The following DPH6 variants were observed in gnomAD, a reference collection of about 807,000 sequenced individuals.
The protein encoded by DPH6 is diphthine--ammonia ligase.
Under a neutral mutation model 38.2 loss-of-function variants are expected in DPH6, and 33 were observed. That is an observed-to-expected ratio of 0.86 (90% CI 0.65 to 1.15). DPH6 has a LOEUF of 1.15. Ranked by LOEUF, DPH6 falls within the 50% of genes most tolerant of loss-of-function variation. DPH6 has a pLI of 0.00. For missense variants in DPH6, 325 were observed against 320.0 expected (o/e 1.02, Z -0.12); for synonymous variants, 108 against 103.0 (o/e 1.05, Z -0.30).
In DPH6 at chr15:35,385,909, A is replaced by G. The variant is rs562756532; in HGVS notation, c.568-3993T>C. 2.6e-5 allele frequency among the ~76,000 whole-genome samples: 4 copies of G among 151,970 alleles called. No individual in the cohort carries two copies. In the East Asian group the frequency reaches 7.8e-4, roughly 30 times the overall value. On this transcript the variant is annotated intron_variant, in intron 6 of 8. Coordinates refer to ENST00000256538, the MANE Select transcript of DPH6 (RefSeq NM_080650.4). ...TGTGCACAACGTGCAGGTTTGTTACATATGTATACATGTGCCATGTTGGTG... is the reference window on the plus strand; with the variant it reads ...TGTGCACAACGTGCAGGTTTGTTACGTATGTATACATGTGCCATGTTGGTG...
At chr15:35,288,407 A>G (rs907428128) in intron 3 of DPH6, among the ~76,000 whole-genome samples, 1 of 152,220 alleles carries the variant, frequency 6.6e-6, no homozygotes, top group Non-Finnish European at 1.5e-5. Flanking sequence ...CAAAAGGAGA[A>G]TAAGTCTAGT....
intron 3 of DPH6, chr15:35,237,289 T>A (rs1566846475): frequency 1.3e-6 from 2 of 1,546,702 alleles, no homozygotes; most frequent in Non-Finnish European, 1.8e-6. Context: ...TTGATTGAAT[T>A]CCAGCGGCGC....
the DPH6 span, among the ~76,000 whole-genome samples, chr15:35,155,218 A>G: frequency 2.0e-5 from 3 of 152,318 alleles, no homozygotes; most frequent in African/African-American, 7.2e-5. Flanking sequence ...AACCATAAAA[A>G]AGGACTGGAT....
At position 35,489,969 on chromosome 15, in the gene DPH6, C is replaced by T. The variant is rs2054455463; in HGVS notation, c.313-35149G>A. On this transcript the variant is annotated intron_variant, in intron 3 of 8. Coordinates refer to ENST00000256538, the MANE Select transcript of DPH6 (RefSeq NM_080650.4). ...ATTTTTAACAAACAGCTAAACAAAACTATTTAATATGCATAAGCCCAGAAG... is the reference window on the plus strand; with the variant it reads ...ATTTTTAACAAACAGCTAAACAAAATTATTTAATATGCATAAGCCCAGAAG... 5 of 984,010 alleles carry T rather than the reference C, an allele frequency of 5.1e-6. No individual in the cohort carries two copies. The African/African-American group carries it at 7.0e-5, about 14-fold the overall frequency. 61.0% of individuals were successfully genotyped at this position (984,010 alleles called of 1,614,324 possible).
At chr15:35,280,993 G>A (rs1350785496) in intron 3 of DPH6, among the ~76,000 whole-genome samples, 1 of 152,082 alleles carries the variant, frequency 6.6e-6, no homozygotes, top group East Asian at 1.9e-4. Context: ...TAGGGTACAT[G>A]TGCACAATGT....
At chr15:35,486,343 C>G (rs941119918) in intron 3 of DPH6, among the ~76,000 whole-genome samples, 25 of 151,856 alleles carry the variant, frequency 1.6e-4, no homozygotes, top group African/African-American at 6.1e-4. Context: ...GGTGGCGACA[C>G]AGCCAACCCA....
intron 3 of DPH6, among the ~76,000 whole-genome samples, chr15:35,459,274 G>T (rs529111975): frequency 8.5e-5 from 13 of 152,158 alleles, no homozygotes; most frequent in African/African-American, 2.9e-4. Context: ...TCGTCATCTT[G>T]CTGTGTCTTC....
chr15:35,459,027 T>C (rs1595382861), intron 3 of DPH6, among the ~76,000 whole-genome samples: 1 of 152,350 alleles, frequency 6.6e-6, no homozygotes, highest in East Asian at 1.9e-4. Flanking sequence ...AGAAAATATA[T>C]ACATGTTTTA....
intron 3 of DPH6, chr15:35,237,063 G>A (rs1352305961): frequency 6.4e-6 from 3 of 472,254 alleles, no homozygotes; most frequent in Admixed American, 7.3e-5. Flanking sequence ...GGGTTGGAAT[G>A]CATGCACATA....
chr15:35,222,103 T>C (rs568085732), intron 3 of DPH6, among the ~76,000 whole-genome samples: 5 of 152,334 alleles, frequency 3.3e-5, no homozygotes, highest in African/African-American at 7.2e-5. Flanking sequence ...AACATTTCTA[T>C]CAATATTCTG....
chr15:35,494,201 A>G (rs1566930341), intron 3 of DPH6, among the ~76,000 whole-genome samples: 1 of 152,112 alleles, frequency 6.6e-6, no homozygotes, highest in South Asian at 2.1e-4. Flanking sequence ...GCCTTTAGTT[A>G]TTATTACTAT....
intron 3 of DPH6, among the ~76,000 whole-genome samples, chr15:35,300,113 T>C (rs1367441983): frequency 6.6e-6 from 1 of 152,144 alleles, no homozygotes; most frequent in East Asian, 1.9e-4. Context: ...AGGCCACCCA[T>C]GCAGGGGCAA....
chr15:35,318,666 T>C (rs1292785994), intron 3 of DPH6, among the ~76,000 whole-genome samples: 2 of 152,126 alleles, frequency 1.3e-5, no homozygotes, highest in Non-Finnish European at 2.9e-5. Context: ...ACAACAAATA[T>C]CTTTGCTTCA....
At chr15:35,390,190 T>C (rs1252044788) in intron 6 of DPH6, among the ~76,000 whole-genome samples, 2 of 152,224 alleles carry the variant, frequency 1.3e-5, no homozygotes, top group Admixed American at 6.5e-5. Flanking sequence ...TTCTGGCTTG[T>C]AGAATTCTGT....
At chr15:35,514,782 C>A (rs945735413) in intron 3 of DPH6, among the ~76,000 whole-genome samples, 2 of 151,998 alleles carry the variant, frequency 1.3e-5, no homozygotes, top group African/African-American at 4.8e-5. Context: ...AGATATTAAT[C>A]AAAATTATAA....
chr15:35,357,818 C>G (rs1052456506), intron 3 of DPH6, among the ~76,000 whole-genome samples: 3 of 152,014 alleles, frequency 2.0e-5, no homozygotes, highest in African/African-American at 4.8e-5. Flanking sequence ...TCTTAAGATT[C>G]TTTCCTTTGT....
At chr15:35,353,479 G>A (rs992160147) in intron 3 of DPH6, among the ~76,000 whole-genome samples, 1 of 152,146 alleles carries the variant, frequency 6.6e-6, no homozygotes, top group African/African-American at 2.4e-5. Context: ...AAGGGATCCA[G>A]TTTCAGCTTT....
At chr15:35,262,666 A>G (rs1273147823) in intron 3 of DPH6, among the ~76,000 whole-genome samples, 1 of 132,556 alleles carries the variant, frequency 7.5e-6, no homozygotes, top group African/African-American at 3.0e-5. Context: ...AGATGGTGCC[A>G]CTGCACTCCA....
chr15:35,273,937 C>T (rs758519329), intron 3 of DPH6, among the ~76,000 whole-genome samples: 15 of 152,046 alleles, frequency 9.9e-5, no homozygotes, highest in Non-Finnish European at 2.2e-4. Context: ...AAAAAGAGTC[C>T]GTATAGCCAA....
Sources: allele counts gnomAD v4.1 joint callset (sites outside exome capture counted in the v4.1 genomes callset), GRCh38; gene constraint gnomAD v4.1.1; transcripts MANE v1.5; gene names NCBI Gene and HGNC (gene_info 2026-07-23, HGNC 2026-07-21).